Variants in CACNA2D3 observed in about 807,000 individuals in gnomAD.
The protein encoded by CACNA2D3 is calcium voltage-gated channel auxiliary subunit alpha2delta 3.
CACNA2D3 carries 60 observed loss-of-function variants against 160.6 expected under a neutral mutation model. That is an observed-to-expected ratio of 0.37 (90% CI 0.30 to 0.46). The LOEUF is 0.46. Among genes scored for constraint, CACNA2D3 ranks in the 20% least tolerant of loss-of-function variants. The pLI, the probability that CACNA2D3 is intolerant of heterozygous loss-of-function variation, is 1.00. For missense variants in CACNA2D3, 1,205 were observed against 1,365.0 expected (o/e 0.88, Z 1.85); for synonymous variants, 558 against 492.9 (o/e 1.13, Z -1.75).
chr3:54,392,998 TA>T (rs1699308180), intron 4 of CACNA2D3, among the ~76,000 whole-genome samples: 1 of 152,132 alleles, frequency 6.6e-6, no homozygotes, highest in Non-Finnish European at 1.5e-5. Context: ...AAGCAAAGAA[TA>T]AACTGCTGGA....
At chr3:54,461,967 G>A (rs1195504888) in intron 4 of CACNA2D3, among the ~76,000 whole-genome samples, 1 of 152,100 alleles carries the variant, frequency 6.6e-6, no homozygotes, top group East Asian at 1.9e-4. Context: ...AGAGATTCTG[G>A]TATGTTGTGT....
chr3:54,513,670 TTTTG>T (rs139013551), intron 5 of CACNA2D3, among the ~76,000 whole-genome samples: 7,224 of 151,954 alleles, frequency 0.048, 558 homozygotes, highest in African/African-American at 0.16. Flanking sequence ...TCATGCCTGT[TTTTG>T]TTTGTTTGTT....
intron 31 of CACNA2D3, among the ~76,000 whole-genome samples, chr3:54,992,742 G>A (rs918227554): frequency 6.6e-6 from 1 of 150,380 alleles, no homozygotes; most frequent in Admixed American, 6.6e-5. Context: ...TGTGTTAGTC[G>A]GTTCTCACAC....
rs1254963234 is a variant in CACNA2D3 at position 54,122,738 on chromosome 3, C to T, written c.25C>T (p.Arg9Cys). 1.1e-4 allele frequency: 133 copies of T among 1,214,286 alleles called. No homozygotes were observed. Among genetic ancestry groups the T allele is most frequent in the African/African-American group, 3.2e-5 (2 of 63,402 alleles). 75.2% of individuals were successfully genotyped at this position (1,214,286 alleles called of 1,614,324 possible). A position where few individuals can be genotyped will look rare whatever the true frequency, so the allele number is the denominator to read the frequency against. Residue 9 changes from arginine (R) to cysteine (C), a missense_variant, in exon 1 of 38, where the codon CGC (arginine) becomes TGC (cysteine). This residue lies in a region of CACNA2D3 where 163 missense variants were observed against 161.3 expected (regional missense o/e 1.01). Transcript: ENST00000474759. ...CATGGCCGGGCCGGGCTCGCCGCGC[C>T]GCGCGTCCCGGGGGGCCTCGGCGCT... MAGPGSPR[R>C]ASRGASALLA...
intron 35 of CACNA2D3, among the ~76,000 whole-genome samples, chr3:55,034,354 G>A (rs767781209): frequency 4.0e-5 from 6 of 151,640 alleles, no homozygotes; most frequent in Admixed American, 1.3e-4. Flanking sequence ...TCTGTGTGCC[G>A]TCTAATTATG....
chr3:54,560,214 T>C (rs1022508451), intron 5 of CACNA2D3, among the ~76,000 whole-genome samples: 1 of 152,206 alleles, frequency 6.6e-6, no homozygotes, highest in Non-Finnish European at 1.5e-5. Context: ...AGTGTAAAAG[T>C]GTTCCTTTTT....
intron 35 of CACNA2D3, among the ~76,000 whole-genome samples, chr3:55,020,537 T>C (rs569162520): frequency 1.3e-5 from 2 of 151,720 alleles, no homozygotes; most frequent in African/African-American, 4.8e-5. Flanking sequence ...TATACTTGCT[T>C]TTTCAGGATG....
chr3:54,779,902 A>G (rs1470538815), intron 13 of CACNA2D3, among the ~76,000 whole-genome samples: 2 of 152,192 alleles, frequency 1.3e-5, no homozygotes. Context: ...ACAGTAGCGT[A>G]AGGACTGGGG....
intron 4 of CACNA2D3, among the ~76,000 whole-genome samples, chr3:54,440,350 G>A (rs183438836): frequency 3.9e-5 from 6 of 152,196 alleles, no homozygotes; most frequent in African/African-American, 1.2e-4. Context: ...CCCTAACCAT[G>A]TTCTTTTCTA....
chr3:54,147,709 C>A (rs1263840027), intron 2 of CACNA2D3, among the ~76,000 whole-genome samples: 1 of 152,022 alleles, frequency 6.6e-6, no homozygotes, highest in Non-Finnish European at 1.5e-5. Flanking sequence ...CATGGTAAGC[C>A]CTGTATTACT....
intron 13 of CACNA2D3, among the ~76,000 whole-genome samples, chr3:54,813,773 G>C (rs980537191): frequency 2.0e-5 from 3 of 151,618 alleles, no homozygotes; most frequent in Non-Finnish European, 4.4e-5. Flanking sequence ...ATAGTCACTA[G>C]AGTTGTGCTC....
chr3:54,460,989 T>C (rs1265045812), intron 4 of CACNA2D3, among the ~76,000 whole-genome samples: 2 of 150,514 alleles, frequency 1.3e-5, no homozygotes, highest in African/African-American at 5.0e-5. Flanking sequence ...GCATGAAGAG[T>C]TGTTGAATTT....
chr3:54,678,720 C>CAAAAAAAAAAAAAAAAAAAAAAA (rs71096434), intron 11 of CACNA2D3, among the ~76,000 whole-genome samples: 1 of 45,902 alleles, frequency 2.2e-5, no homozygotes, highest in Non-Finnish European at 3.5e-5. Context: ...GACTCGGTCT[C>CAAAAAAAAAAAAAAAAAAAAAAA]AAAAAAAAAA....
At chr3:54,834,521 C>T (rs932434691) in intron 14 of CACNA2D3, among the ~76,000 whole-genome samples, 5 of 152,170 alleles carry the variant, frequency 3.3e-5, no homozygotes, top group African/African-American at 9.7e-5. Flanking sequence ...AAAACTATTA[C>T]AGACTGTATA....
rs543706446 is a variant in CACNA2D3 at position 54,542,049 on chromosome 3, AG to A, written c.545-20750del. On this transcript the variant is annotated intron_variant, in intron 5 of 37. Coordinates refer to ENST00000474759, the MANE Select transcript of CACNA2D3 (RefSeq NM_018398.3). ...TATGATATATGTATATGTGAATGAG[AG>A]TTTTTTTTGTTGTTGTTGTTTTTGT... Among the ~76,000 whole-genome samples the A allele has an allele frequency of 9.9e-4, 148 of 150,246 alleles. 1 individual carries two copies. The highest frequency in any genetic ancestry group is 3.4e-3 in the African/African-American group (138 of 40,756).
At chr3:54,462,476 A>G (rs1410854244) in intron 4 of CACNA2D3, among the ~76,000 whole-genome samples, 4 of 152,196 alleles carry the variant, frequency 2.6e-5, no homozygotes, top group Admixed American at 1.3e-4. Context: ...GGGGGCATAT[A>G]TATTTAGGAT....
intron 5 of CACNA2D3, among the ~76,000 whole-genome samples, chr3:54,514,190 A>G (rs1372837617): frequency 3.3e-5 from 5 of 152,222 alleles, no homozygotes; most frequent in South Asian, 2.1e-4. Flanking sequence ...CAGAATGCCA[A>G]TGGGTACCAA....
chr3:55,067,360 A>C (rs1176071591), intron 35 of CACNA2D3, among the ~76,000 whole-genome samples: 1 of 152,176 alleles, frequency 6.6e-6, no homozygotes, highest in Non-Finnish European at 1.5e-5. Context: ...GAGGGCTGCA[A>C]CTTTGGGTTT....
At chr3:54,943,830 A>G (rs370799216) in intron 27 of CACNA2D3, among the ~76,000 whole-genome samples, 4 of 151,098 alleles carry the variant, frequency 2.6e-5, no homozygotes, top group South Asian at 2.1e-4. Flanking sequence ...TCTCTTCCCT[A>G]TTTTTCTCTG....
Sources: gnomAD v4.1 joint callset for allele counts (sites outside exome capture counted in the v4.1 genomes callset) on GRCh38, gnomAD v4.1.1 for gene constraint, gnomAD v4.1.1 regional missense constraint, MANE v1.5 for transcripts, NCBI Gene and HGNC (gene_info 2026-07-23, HGNC 2026-07-21) for gene names.